Variants in EYS observed in about 807,000 individuals in gnomAD.
EYS encodes the protein protein eyes shut homolog.
Under a neutral mutation model 282.1 loss-of-function variants are expected in EYS, and 250 were observed. The ratio of observed to expected loss-of-function variants is 0.89; its 90% CI spans 0.80 to 0.98. The LOEUF (loss-of-function observed/expected upper bound fraction) is 0.98. Among genes scored for constraint, EYS ranks in the 50% least tolerant of loss-of-function variants. The probability of loss-of-function intolerance (pLI) is 0.00; values close to 1 mark genes in which losing one functional copy is unlikely to be tolerated. For synonymous variants in EYS, 1,355 were observed against 1,282.9 expected (o/e 1.06, Z -1.20); for missense variants, 4,016 against 3,709.0 (o/e 1.08, Z -2.15).
chr6:64,496,503 T>C (rs1437385777), intron 26 of EYS, among the ~76,000 whole-genome samples: 1 of 152,008 alleles, frequency 6.6e-6, no homozygotes, highest in African/African-American at 2.4e-5. Flanking sequence ...AAAGTCATTT[T>C]ATATTTTTTA....
At position 64,776,667 on chromosome 6, in the gene EYS, C is replaced by T. The variant is rs73768415; in HGVS notation, c.3443+36711G>A. ...AGCTCATCACATGTCTCATCATTAG[C>T]CTTTCACATATATTTCAAATAAAAA... On this transcript the variant is annotated intron_variant, in intron 22 of 42. Transcript: ENST00000503581. Among the ~76,000 whole-genome samples, 1,330 of 151,972 alleles carry T rather than the reference C, an allele frequency of 8.8e-3. 26 individuals are homozygous for T. Among genetic ancestry groups the T allele is most frequent in the African/African-American group, 0.03 (1,243 of 41,444 alleles).
At chr6:65,332,204 G>A in intron 11 of EYS, 1 of 544,426 alleles carries the variant, frequency 1.8e-6, no homozygotes, top group South Asian at 2.7e-5. Flanking sequence ...GTTTCATAAA[G>A]TGTTGTGAGA....
intron 34 of EYS, among the ~76,000 whole-genome samples, chr6:63,994,677 CTCA>C (rs1444410191): frequency 1.3e-5 from 2 of 151,932 alleles, no homozygotes; most frequent in African/African-American, 2.4e-5. Flanking sequence ...GTAACCCCTA[CTCA>C]TCATCAAGAA....
chr6:64,611,510 A>G (rs1388155381), intron 24 of EYS, among the ~76,000 whole-genome samples: 2 of 152,220 alleles, frequency 1.3e-5, no homozygotes, highest in East Asian at 1.9e-4. Context: ...TGACTTCCTT[A>G]TTATCCCACA....
At chr6:64,392,962 C>G (rs974430569) in intron 28 of EYS, among the ~76,000 whole-genome samples, 1 of 152,150 alleles carries the variant, frequency 6.6e-6, no homozygotes, top group African/African-American at 2.4e-5. Context: ...ACCAATCCCA[C>G]AGAAATACAA....
intron 26 of EYS, among the ~76,000 whole-genome samples, chr6:64,518,736 C>T: frequency 6.6e-6 from 1 of 150,808 alleles, no homozygotes. Flanking sequence ...CCATCCTGTT[C>T]TTGTGATAGT....
chr6:64,414,395 C>G (rs1774000237), intron 28 of EYS, among the ~76,000 whole-genome samples: 1 of 151,974 alleles, frequency 6.6e-6, no homozygotes, highest in African/African-American at 2.4e-5. Flanking sequence ...AAAGATGTGG[C>G]AAGATTGTCA....
intron 31 of EYS, among the ~76,000 whole-genome samples, chr6:64,224,653 A>G (rs2150335015): frequency 6.6e-6 from 1 of 152,266 alleles, no homozygotes; most frequent in South Asian, 2.1e-4. Flanking sequence ...ACCTAAATTG[A>G]AAGTAAAGGG....
At chr6:64,916,720 G>A (rs1768175970) in intron 15 of EYS, among the ~76,000 whole-genome samples, 2 of 152,118 alleles carry the variant, frequency 1.3e-5, no homozygotes, top group Non-Finnish European at 2.9e-5. Context: ...CACATACCGT[G>A]TGACTTTTTG....
chr6:64,030,661 C>T (rs978501647), intron 33 of EYS, among the ~76,000 whole-genome samples: 1 of 152,220 alleles, frequency 6.6e-6, no homozygotes, highest in Non-Finnish European at 1.5e-5. Context: ...CATGGCTTCT[C>T]CCTTTTCTAG....
chr6:64,033,308 C>T (rs1050782925), intron 33 of EYS, among the ~76,000 whole-genome samples: 4 of 152,124 alleles, frequency 2.6e-5, no homozygotes, highest in Admixed American at 1.3e-4. Flanking sequence ...AGAAAAAAGG[C>T]TCCTTTTACT....
intron 31 of EYS, among the ~76,000 whole-genome samples, chr6:64,187,838 A>T (rs955670620): frequency 2.6e-5 from 4 of 151,872 alleles, no homozygotes; most frequent in Admixed American, 6.6e-5. Flanking sequence ...TTTTTTTTTT[A>T]AATTTCACTG....
At chr6:64,841,709 A>G (rs1765568156) in intron 19 of EYS, among the ~76,000 whole-genome samples, 1 of 152,154 alleles carries the variant, frequency 6.6e-6, no homozygotes, top group Non-Finnish European at 1.5e-5. Context: ...AGGTTTTGGG[A>G]GACAATTGGC....
chr6:65,102,988 G>T (rs1055268866), intron 12 of EYS, among the ~76,000 whole-genome samples: 3 of 151,276 alleles, frequency 2.0e-5, no homozygotes, highest in South Asian at 2.1e-4. Context: ...ACTTATTAAG[G>T]ATCTATTTTG....
At chr6:65,139,768 T>C (rs956708486) in intron 12 of EYS, among the ~76,000 whole-genome samples, 2 of 151,972 alleles carry the variant, frequency 1.3e-5, no homozygotes, top group Non-Finnish European at 2.9e-5. Context: ...GAATGTAAAC[T>C]AGTTTGGCCA....
At chr6:65,483,406 A>C (rs1173753043) in intron 5 of EYS, among the ~76,000 whole-genome samples, 1 of 152,126 alleles carries the variant, frequency 6.6e-6, no homozygotes, top group Non-Finnish European at 1.5e-5. Flanking sequence ...GAATTCCAAA[A>C]TTCTGTTTGG....
At chr6:65,559,125 G>C (rs1231362415) in intron 2 of EYS, among the ~76,000 whole-genome samples, 3 of 152,312 alleles carry the variant, frequency 2.0e-5, no homozygotes, top group East Asian at 1.9e-4. Flanking sequence ...CCAACACTTT[G>C]AGAGGCTGAT....
intron 22 of EYS, among the ~76,000 whole-genome samples, chr6:64,656,386 A>G (rs1439742310): frequency 6.6e-6 from 1 of 152,076 alleles, no homozygotes; most frequent in Non-Finnish European, 1.5e-5. Flanking sequence ...CTAACCCTAC[A>G]ACCTTGACTG....
intron 31 of EYS, among the ~76,000 whole-genome samples, chr6:64,218,884 G>T (rs1766010442): frequency 6.6e-6 from 1 of 152,082 alleles, no homozygotes; most frequent in Admixed American, 6.6e-5. Context: ...TGATGAGGAA[G>T]GTAACACGGC....
Sources: allele counts gnomAD v4.1 joint callset (sites outside exome capture counted in the v4.1 genomes callset), GRCh38; gene constraint gnomAD v4.1.1; transcripts MANE v1.5; gene names NCBI Gene and HGNC (gene_info 2026-07-23, HGNC 2026-07-21).